The following VRK3 variants were observed in gnomAD, a reference collection of about 807,000 sequenced individuals.
VRK3 encodes VRK serine/threonine kinase 3.
In VRK3, 50 loss-of-function variants were observed where a neutral mutation model predicts 60.4. That is an observed-to-expected ratio of 0.83 (90% CI 0.66 to 1.05). The LOEUF is 1.05. Among genes scored for constraint, VRK3 ranks in the 50% least tolerant of loss-of-function variants. VRK3 has a pLI of 0.00. For missense variants in VRK3, 549 were observed against 585.3 expected, an observed-to-expected ratio of 0.94 and a Z score of 0.64; for synonymous variants, 246 against 227.8, an observed-to-expected ratio of 1.08 and a Z score of -0.72.
intron 12 of VRK3, among the ~76,000 whole-genome samples, chr19:49,985,731 C>G (rs2076503044): frequency 6.6e-6 from 1 of 152,168 alleles, no homozygotes; most frequent in South Asian, 2.1e-4. Flanking sequence ...TCCTGTATCC[C>G]CAGGGCCTAG....
intron 6 of VRK3, chr19:50,000,434 T>C (rs1366949563): frequency 3.1e-6 from 1 of 320,652 alleles, no homozygotes; most frequent in Non-Finnish European, 5.9e-6. Flanking sequence ...CAGTAGGTGC[T>C]CGATACGAGC....
In VRK3 at chr19:49,982,649, T is replaced by C. The variant is rs188299205; in HGVS notation, c.1218-1636A>G. On this transcript the variant is annotated intron_variant, in intron 12 of 14. Transcript: ENST00000316763. ...TCCACACTGTGTCTGTAAGTGGCCA[T>C]GAAAGAACAGCAAGAATTGATTTGG... Among the ~76,000 whole-genome samples, 239 of 152,308 alleles carry C rather than the reference T, an allele frequency of 1.6e-3. 4 individuals carry two copies. The highest frequency in any genetic ancestry group is 0.014 in the Admixed American group (212 of 15,288).
In VRK3 at chr19:49,979,014, C is replaced by A. The variant is rs1357863666; in HGVS notation, c.*11+69G>T. 9 of 1,496,802 alleles carry A rather than the reference C, an allele frequency of 6.0e-6. No individual in the cohort carries two copies. The Middle Eastern group carries it at 5.4e-4, about 90-fold the overall frequency. The allele number at this position is 1,496,802 out of a possible 1,614,324, so 92.7% of individuals were successfully genotyped here. ...TGGAACAGCCTCTGGGAAGTGTCTC[C>A]TGGAGCCTGGGGCAGGGCTCGGGTG... On this transcript the variant is annotated intron_variant, in intron 14 of 14. Transcript: ENST00000316763.
intron 10 of VRK3, among the ~76,000 whole-genome samples, chr19:49,991,826 G>A (rs1412744104): frequency 1.3e-5 from 2 of 152,192 alleles, no homozygotes; most frequent in African/African-American, 4.8e-5. Flanking sequence ...TGCCGTGCCC[G>A]AGACAGTGCA....
chr19:49,992,660 C>T (rs1168952668), intron 10 of VRK3, among the ~76,000 whole-genome samples, 200 bp downstream of exon 10: 1 of 152,106 alleles, frequency 6.6e-6, no homozygotes, highest in Non-Finnish European at 1.5e-5. Flanking sequence ...CTGTGGATTT[C>T]TTTTTTTAAG....
At chr19:50,006,856 C>T (rs1321206773) in intron 5 of VRK3, among the ~76,000 whole-genome samples, 1 of 152,228 alleles carries the variant, frequency 6.6e-6, no homozygotes, top group Non-Finnish European at 1.5e-5. Context: ...GTAACAGAGT[C>T]TGAGCTTTTC....
intron 12 of VRK3, among the ~76,000 whole-genome samples, chr19:49,982,871 A>G (rs1600652145): frequency 6.6e-6 from 1 of 151,696 alleles, no homozygotes; most frequent in East Asian, 1.9e-4. Context: ...CAGCCCCTCC[A>G]CTTCTCTGCC....
intron 2 of VRK3, 93 bp from the exon 3 acceptor site, chr19:50,016,256 G>C: frequency 6.5e-7 from 1 of 1,531,506 alleles, no homozygotes; most frequent in Non-Finnish European, 8.9e-7. Flanking sequence ...AGGGTGAGTG[G>C]CAGGAGGCAC....
intron 3 of VRK3, chr19:50,015,747 T>C (rs1474404768): frequency 2.4e-6 from 1 of 421,010 alleles, no homozygotes; most frequent in Non-Finnish European, 4.3e-6. Flanking sequence ...GGTGCCAAGC[T>C]GGCAGGCTGC....
At chr19:50,007,973 G>T in intron 4 of VRK3, 147 bp from the exon 5 acceptor site, 1 of 1,227,382 alleles carries the variant, frequency 8.1e-7, no homozygotes. Context: ...TCAGGCCTTT[G>T]TGTGATGATG....
chr19:50,024,012 T>C (rs2122737741), intron 1 of VRK3, among the ~76,000 whole-genome samples: 1 of 152,290 alleles, frequency 6.6e-6, no homozygotes, highest in Non-Finnish European at 1.5e-5. Context: ...CTCAGCTCAC[T>C]TGCAACCTCC....
At chr19:50,003,498 A>C (rs2076843766) in intron 5 of VRK3, among the ~76,000 whole-genome samples, 1 of 152,224 alleles carries the variant, frequency 6.6e-6, no homozygotes. Flanking sequence ...GCACGGATTC[A>C]TGTGACTGAT....
chr19:50,006,153 A>G (rs868170034), intron 5 of VRK3, among the ~76,000 whole-genome samples: 2 of 138,526 alleles, frequency 1.4e-5, no homozygotes, highest in Non-Finnish European at 2.9e-5. Flanking sequence ...ATAAAAAAAT[A>G]AAAAAATTTA....
intron 14 of VRK3, among the ~76,000 whole-genome samples, chr19:49,977,986 A>C (rs1033891107): frequency 1.3e-5 from 2 of 152,214 alleles, no homozygotes; most frequent in African/African-American, 4.8e-5. Flanking sequence ...GGAATGCAGA[A>C]GCACTTGTAA....
At chr19:50,019,715 C>CTTTTTTTTTTT in intron 2 of VRK3, among the ~76,000 whole-genome samples, 393 of 50,208 alleles carry the variant, frequency 7.8e-3, no homozygotes, top group Middle Eastern at 0.015. Flanking sequence ...TTTTTTTTTA[C>CTTTTTTTTTTT]TTTTTGTAGA....
chr19:50,003,578 C>G (rs2076845399), intron 5 of VRK3, among the ~76,000 whole-genome samples: 1 of 152,214 alleles, frequency 6.6e-6, no homozygotes, highest in Non-Finnish European at 1.5e-5. Flanking sequence ...CAGTACTGGA[C>G]AGAGACACAA....
intron 5 of VRK3, 141 bp from the exon 6 acceptor site, chr19:50,000,995 G>T: frequency 1.5e-6 from 1 of 663,180 alleles, no homozygotes; most frequent in African/African-American, 1.9e-5. Context: ...CTCACGACTT[G>T]CTGCTTCCTA....
At chr19:50,000,633 T>G (rs1205661209) in intron 6 of VRK3, 157 bp downstream of exon 6, 19 of 799,032 alleles carry the variant, frequency 2.4e-5, no homozygotes, top group Non-Finnish European at 3.9e-5. Flanking sequence ...GATGGAGAAC[T>G]GGGCGCCTGC....
chr19:50,015,002 C>T (rs1027553697), intron 3 of VRK3, among the ~76,000 whole-genome samples: 3 of 151,942 alleles, frequency 2.0e-5, no homozygotes, highest in African/African-American at 4.8e-5. Context: ...AGGGAGCCAA[C>T]AAGATTTGCT....
Sources: gnomAD v4.1 joint callset for allele counts (sites outside exome capture counted in the v4.1 genomes callset) on GRCh38, gnomAD v4.1.1 for gene constraint, MANE v1.5 for transcripts, NCBI Gene and HGNC (gene_info 2026-07-23, HGNC 2026-07-21) for gene names.